The following AGBL1 variants were observed in gnomAD, a reference collection of about 807,000 sequenced individuals.
AGBL1 encodes AGBL carboxypeptidase 1.
A neutral mutation model predicts 118.9 loss-of-function variants in AGBL1; 130 were observed. That is an observed-to-expected ratio of 1.09 (90% CI 0.95 to 1.26). AGBL1 has a LOEUF of 1.26. Ranked by LOEUF, AGBL1 falls within the 50% of genes most tolerant of loss-of-function variation. The pLI, the probability that AGBL1 is intolerant of heterozygous loss-of-function variation, is 0.00. For synonymous variants in AGBL1, 555 were observed against 478.9 expected (o/e 1.16, Z -2.08); for missense variants, 1,584 against 1,298.1 (o/e 1.22, Z -3.38).
At chr15:86,929,604 G>A (rs772091913) in intron 23 of AGBL1, among the ~76,000 whole-genome samples, 13 of 152,196 alleles carry the variant, frequency 8.5e-5, no homozygotes, top group Non-Finnish European at 1.6e-4. Flanking sequence ...AATTATGAAA[G>A]AGCAGTGCCC....
intron 5 of AGBL1, among the ~76,000 whole-genome samples, chr15:86,165,249 G>T (rs4887340): frequency 0.11 from 17,046 of 152,022 alleles, 1,343 homozygotes; most frequent in African/African-American, 0.21. Context: ...CAATCTTCTA[G>T]GGCCTCCCTG....
rs537389771 is a variant in AGBL1, at chr15:86,958,037, TTAAAAA to T, written c.3222-29937_3222-29932del. ...AGCCTCATGGCAAGACCCTTGTAAC[TTAAAAA>T]TAAAAATAAAAAATTAGCCGATTGT... On this transcript the variant is annotated intron_variant, in intron 23 of 24. Coordinates refer to the AGBL1 transcript ENST00000441037. Among the ~76,000 whole-genome samples the T allele has an allele frequency of 7.6e-3, 1,146 of 151,654 alleles. 8 individuals are homozygous for T. Among genetic ancestry groups the T allele is most frequent in the Non-Finnish European group, 0.011 (777 of 67,850 alleles).
At chr15:86,355,815 AT>A (rs1342134346) in intron 17 of AGBL1, among the ~76,000 whole-genome samples, 1 of 152,166 alleles carries the variant, frequency 6.6e-6, no homozygotes, top group Non-Finnish European at 1.5e-5. Flanking sequence ...TCACAGTGAC[AT>A]CTCTTGGAGG....
At position 86,258,417 on chromosome 15, in the gene AGBL1, T is replaced by C. The variant is rs938669697; in HGVS notation, c.969+386T>C. 8.5e-5 allele frequency among the ~76,000 whole-genome samples: 13 copies of C among 152,336 alleles called. No individual in the cohort carries two copies. The East Asian group carries it at 1.9e-3, about 23-fold the overall frequency. ...TGTAAGTCACTCTTCTTATCCTTTC[T>C]GCACAGGGGTGCTGCATTGTACAAT... On this transcript the variant is annotated intron_variant, in intron 9 of 22. Coordinates refer to ENST00000614907, the MANE Select transcript of AGBL1 (RefSeq NM_001386094.1).
chr15:87,009,622 T>C (rs1451605124), intron 24 of AGBL1, among the ~76,000 whole-genome samples: 2 of 152,072 alleles, frequency 1.3e-5, no homozygotes, highest in Admixed American at 1.3e-4. Context: ...ACTATGCACC[T>C]GGAAAAGCCA....
Position 86,960,128 on chromosome 15 carries a change from G to T in AGBL1, c.3222-27859G>T, listed in dbSNP as rs180986795. ...AAATGAAAATGTAACAAAAATGCAG[G>T]GTACTACTTATCTTGCTTTCCGCAC... On this transcript the variant is annotated intron_variant, in intron 23 of 24. Coordinates refer to the AGBL1 transcript ENST00000441037. Among the ~76,000 whole-genome samples, 154 of 152,116 alleles carry T rather than the reference G, an allele frequency of 1.0e-3. 1 individual carries two copies. The highest frequency in any genetic ancestry group is 2.9e-3 in the African/African-American group (120 of 41,544).
intron 22 of AGBL1, among the ~76,000 whole-genome samples, chr15:86,719,755 A>G (rs76382759): frequency 0.011 from 1,678 of 152,362 alleles, 41 homozygotes; most frequent in African/African-American, 0.038. Context: ...ACTAAAATGT[A>G]TCACTTGTGT....
At chr15:86,788,168 T>C (rs1166199499) in intron 22 of AGBL1, among the ~76,000 whole-genome samples, 2 of 152,228 alleles carry the variant, frequency 1.3e-5, no homozygotes, top group African/African-American at 4.8e-5. Context: ...CGGTGCCCAC[T>C]GAGGCCAAGC....
At chr15:86,303,045 G>C (rs1189886206) in intron 17 of AGBL1, among the ~76,000 whole-genome samples, 1 of 152,162 alleles carries the variant, frequency 6.6e-6, no homozygotes, top group Non-Finnish European at 1.5e-5. Context: ...AAGGAGGATA[G>C]TGGTGTCATG....
intron 22 of AGBL1, among the ~76,000 whole-genome samples, chr15:86,675,847 C>G (rs192872695): frequency 4.5e-4 from 69 of 152,216 alleles, no homozygotes; most frequent in Non-Finnish European, 8.2e-4. Context: ...TGCTTGCTTT[C>G]GTCAAATTGA....
At chr15:86,857,839 G>A (rs911984709) in intron 22 of AGBL1, among the ~76,000 whole-genome samples, 20 of 152,084 alleles carry the variant, frequency 1.3e-4, no homozygotes, top group African/African-American at 2.9e-4. Context: ...CACTCCAGTC[G>A]GCCTGGAATC....
chr15:86,188,406 T>TAA (rs201858870), intron 5 of AGBL1, among the ~76,000 whole-genome samples: 2 of 151,192 alleles, frequency 1.3e-5, no homozygotes, highest in Non-Finnish European at 3.0e-5. Context: ...ATAGAAAACA[T>TAA]AAAAAAAAAG....
chr15:86,166,403 C>T (rs948072897), intron 5 of AGBL1, among the ~76,000 whole-genome samples: 23 of 152,302 alleles, frequency 1.5e-4, no homozygotes, highest in African/African-American at 5.1e-4. Flanking sequence ...CTTTATAATG[C>T]CTTTCTCAGA....
intron 22 of AGBL1, among the ~76,000 whole-genome samples, chr15:86,755,704 C>G (rs569727871): frequency 2.0e-5 from 3 of 152,250 alleles, no homozygotes; most frequent in Admixed American, 2.0e-4. Context: ...TCCTGCCTGA[C>G]TGCATGGTTG....
intron 18 of AGBL1, among the ~76,000 whole-genome samples, chr15:86,517,646 T>C (rs1001598436): frequency 1.6e-4 from 25 of 152,302 alleles, no homozygotes; most frequent in Admixed American, 3.9e-4. Context: ...TTAGATCTCT[T>C]ATCTTCCCTT....
chr15:86,140,172 C>CA (rs1004587686), intron 1 of AGBL1: 15 of 153,806 alleles, frequency 9.8e-5, no homozygotes, highest in African/African-American at 3.6e-4. Flanking sequence ...AACACCCGCC[C>CA]ACAGGTGTTA....
chr15:86,448,112 T>C (rs990417910), intron 18 of AGBL1, among the ~76,000 whole-genome samples: 2 of 152,094 alleles, frequency 1.3e-5, no homozygotes, highest in African/African-American at 4.8e-5. Context: ...GCCACTGCAC[T>C]CCAGCCTGGA....
chr15:86,345,049 G>C (rs1047521505), intron 17 of AGBL1, among the ~76,000 whole-genome samples: 1 of 151,982 alleles, frequency 6.6e-6, no homozygotes, highest in Non-Finnish European at 1.5e-5. Flanking sequence ...TCTTTTTCAG[G>C]CACCGTTTTA....
intron 18 of AGBL1, among the ~76,000 whole-genome samples, chr15:86,475,359 C>A (rs2082543226): frequency 6.6e-6 from 1 of 152,064 alleles, no homozygotes; most frequent in Non-Finnish European, 1.5e-5. Context: ...CTAGAATAAC[C>A]AGTGTAGAGA....
Sources: allele counts gnomAD v4.1 joint callset (sites outside exome capture counted in the v4.1 genomes callset), GRCh38; gene constraint gnomAD v4.1.1; transcripts MANE v1.5; gene names NCBI Gene and HGNC (gene_info 2026-07-23, HGNC 2026-07-21).